The following PDZD2 variants were observed in gnomAD, a reference collection of about 807,000 sequenced individuals.
PDZD2 encodes the protein PDZ domain-containing protein 2.
Under a neutral mutation model 220.7 loss-of-function variants are expected in PDZD2, and 90 were observed. That is an observed-to-expected ratio of 0.41 (90% confidence interval 0.34 to 0.49). PDZD2 has a LOEUF of 0.49. Among genes scored for constraint, PDZD2 ranks in the 20% least tolerant of loss-of-function variants. PDZD2 has a pLI of 0.28. For synonymous variants in PDZD2, 1,375 were observed against 1,450.5 expected, an observed-to-expected ratio of 0.95 and a Z score of 1.18; for missense variants, 3,174 against 3,608.5, an observed-to-expected ratio of 0.88 and a Z score of 3.08.
At chr5:32,023,921 C>T (rs185366648) in intron 6 of PDZD2, among the ~76,000 whole-genome samples, 87 of 152,342 alleles carry the variant, frequency 5.7e-4, no homozygotes, top group Middle Eastern at 3.4e-3. Context: ...GGTGAAATCT[C>T]ATGCTGTCTT....
intron 13 of PDZD2, among the ~76,000 whole-genome samples, chr5:32,060,560 G>A (rs1448082703): frequency 6.6e-6 from 1 of 152,180 alleles, no homozygotes; most frequent in Non-Finnish European, 1.5e-5. Flanking sequence ...TCATGTGATG[G>A]TTGACAGTCA....
At chr5:31,780,870 A>T (rs1016122789) in intron 1 of PDZD2, among the ~76,000 whole-genome samples, 2 of 152,170 alleles carry the variant, frequency 1.3e-5, no homozygotes, top group Non-Finnish European at 2.9e-5. Context: ...TGTCACTGAG[A>T]GCTGATAACA....
At position 31,798,602 on chromosome 5, in the gene PDZD2, A is replaced by T. The variant is rs1754184750; in HGVS notation, c.-360-287A>T. Among the ~76,000 whole-genome samples, 4 of 152,074 alleles carry T rather than the reference A, an allele frequency of 2.6e-5. 1 individual carries two copies. The South Asian group carries it at 8.3e-4, about 32-fold the overall frequency. ...CCTCCTGGTTGGGTGTGAGTTTGATAGTATGTTGGTGAGGGTTGTCTTGGC... is the reference window on the plus strand; with the variant it reads ...CCTCCTGGTTGGGTGTGAGTTTGATTGTATGTTGGTGAGGGTTGTCTTGGC... On this transcript the variant is annotated intron_variant, in intron 1 of 24. Transcript: ENST00000438447.
At position 32,071,434 on chromosome 5, in the gene PDZD2, C is replaced by G. The variant is rs1224750803; in HGVS notation, c.2568+16C>G. The G allele has an allele frequency of 1.9e-6, 3 of 1,594,710 alleles. No individual in the cohort carries two copies. Among genetic ancestry groups the G allele is most frequent in the South Asian group, 1.1e-5 (1 of 90,726 alleles). ...TGCAAAAAAGGTGAGTCAAGGTGAA[C>G]TGCTACCTGCCTCCCTCAGCTGGAC... On this transcript the variant is annotated intron_variant, in intron 16 of 24. Transcript: ENST00000438447.
intron 1 of PDZD2, among the ~76,000 whole-genome samples, chr5:31,711,401 G>A (rs1748096729): frequency 6.6e-6 from 1 of 152,226 alleles, no homozygotes; most frequent in Admixed American, 6.5e-5. Flanking sequence ...TGCCTAGGGT[G>A]AGCTTTTCAG....
At chr5:31,832,437 G>C (rs1374336448) in intron 2 of PDZD2, 2 of 152,194 alleles carry the variant, frequency 1.3e-5, no homozygotes, top group African/African-American at 4.8e-5. Flanking sequence ...TAATTAAAAA[G>C]GGTGCTTGCT....
intron 2 of PDZD2, among the ~76,000 whole-genome samples, chr5:31,811,283 T>G (rs957759249): frequency 3.3e-5 from 5 of 152,188 alleles, no homozygotes; most frequent in African/African-American, 1.2e-4. Context: ...TACTAGTGGC[T>G]TTTTTGATAA....
intron 24 of PDZD2, among the ~76,000 whole-genome samples, chr5:32,103,136 A>G (rs1333880893): frequency 1.3e-5 from 2 of 152,240 alleles, no homozygotes; most frequent in Non-Finnish European, 2.9e-5. Context: ...GAGAGGAAAT[A>G]TTTGCAGAAA....
intron 3 of PDZD2, among the ~76,000 whole-genome samples, chr5:31,987,165 T>G (rs772973523): frequency 3.9e-5 from 6 of 152,254 alleles, no homozygotes; most frequent in Non-Finnish European, 7.3e-5. Flanking sequence ...TGTAATGTAT[T>G]TTTGTAATGC....
In PDZD2 at chr5:32,098,637, A is replaced by G. The variant is rs895246587; in HGVS notation, c.8218+3A>G. The stretch of plus-strand genomic sequence containing the variant: ...CATCCCCCTGGAGCCTGGCATTGGT[A>G]AGATGATCATTTCAACAACCAGCAG... On this transcript the variant is annotated splice_donor_region_variant and intron_variant, in intron 23 of 24. Coordinates refer to ENST00000438447, the MANE Select transcript of PDZD2 (RefSeq NM_178140.4). The surrounding 1 kb of genome is among the most constrained non-coding windows in gnomAD (Gnocchi z 4.1). 1 of 1,609,638 alleles carries G rather than the reference A, an allele frequency of 6.2e-7. No individual in the cohort carries two copies. Among genetic ancestry groups the G allele is most frequent in the African/African-American group, 1.3e-5 (1 of 74,912 alleles).
chr5:32,065,580 T>C (rs1008601919), intron 14 of PDZD2, among the ~76,000 whole-genome samples: 4 of 152,348 alleles, frequency 2.6e-5, no homozygotes, highest in African/African-American at 9.6e-5. Context: ...AAGCTATGGC[T>C]CTATGTCTTG....
At chr5:31,691,615 C>CG (rs1561386539) in intron 1 of PDZD2, among the ~76,000 whole-genome samples, 24 of 152,002 alleles carry the variant, frequency 1.6e-4, no homozygotes, top group East Asian at 7.8e-4. Context: ...TCTTATCTGG[C>CG]CCCTGCTGAT....
chr5:31,750,352 G>T (rs983323109), intron 1 of PDZD2, among the ~76,000 whole-genome samples: 1 of 152,114 alleles, frequency 6.6e-6, no homozygotes, highest in Non-Finnish European at 1.5e-5. Context: ...AGCTCCTTTG[G>T]GCAGGGCCCT....
rs545815477 is a variant in PDZD2, at chr5:32,066,299, C to A, written c.2452-3270C>A. On this transcript the variant is annotated intron_variant, in intron 14 of 24. Transcript: ENST00000438447. Reference sequence around the variant, plus strand: ...GGTAGAGGTTGCAGTAAGCTAAGATCACGCCACTGCACTCCAGCCTGGGCA... The same window carrying A: ...GGTAGAGGTTGCAGTAAGCTAAGATAACGCCACTGCACTCCAGCCTGGGCA... Among the ~76,000 whole-genome samples the A allele has an allele frequency of 3.9e-5, 6 of 152,178 alleles. No individual in the cohort carries two copies. In the East Asian group the frequency reaches 1.2e-3, roughly 29 times the overall value.
At chr5:31,841,003 C>A in intron 2 of PDZD2, 1 of 367,438 alleles carries the variant, frequency 2.7e-6, no homozygotes, top group Non-Finnish European at 4.9e-6. Context: ...GGCGGTTCCA[C>A]TCATTATATT....
At chr5:31,861,010 C>T (rs552047830) in intron 2 of PDZD2, among the ~76,000 whole-genome samples, 1 of 152,280 alleles carries the variant, frequency 6.6e-6, no homozygotes, top group African/African-American at 2.4e-5. Flanking sequence ...TAGGAAAGAG[C>T]TCGCTATCAA....
At chr5:32,076,136 A>G (rs916131477) in intron 18 of PDZD2, among the ~76,000 whole-genome samples, 1 of 151,996 alleles carries the variant, frequency 6.6e-6, no homozygotes, top group Non-Finnish European at 1.5e-5. Context: ...AAATACAAAA[A>G]TCAGTCAGGT....
At chr5:31,779,046 A>G (rs1752893793) in intron 1 of PDZD2, among the ~76,000 whole-genome samples, 1 of 152,160 alleles carries the variant, frequency 6.6e-6, no homozygotes, top group Non-Finnish European at 1.5e-5. Flanking sequence ...ATCTGGTTAT[A>G]TCTCTCTCTT....
chr5:32,010,328 A>G lies in PDZD2; in HGVS notation c.1255-2A>G. ...GATGGGCCTTTAATTGTGTCCCCAT[A>G]GGAAAACTCCGCAGAGGACCTCCTC... On this transcript the variant is annotated splice_acceptor_variant, in intron 5 of 24. Transcript: ENST00000438447. LOFTEE classifies it high-confidence loss of function. The G allele has an allele frequency of 6.3e-7, 1 of 1,595,562 alleles. No individual in the cohort carries two copies. Among genetic ancestry groups the G allele is most frequent in the East Asian group, 2.3e-5 (1 of 44,398 alleles).
Sources: allele counts gnomAD v4.1 joint callset (sites outside exome capture counted in the v4.1 genomes callset), GRCh38; gene constraint gnomAD v4.1.1; non-coding constraint Gnocchi (gnomAD v3.1); transcripts MANE v1.5; gene names NCBI Gene and HGNC (gene_info 2026-07-23, HGNC 2026-07-21).